Variants in COL23A1 observed in about 807,000 individuals in gnomAD.
The protein encoded by COL23A1 is collagen alpha-1(XXIII) chain.
Under a neutral mutation model 99.3 loss-of-function variants are expected in COL23A1, and 97 were observed. That is an observed-to-expected ratio of 0.98 (90% CI 0.83 to 1.16). The LOEUF (loss-of-function observed/expected upper bound fraction) is 1.16, where lower values mean the gene tolerates loss of function less well. COL23A1 is among the 50% of genes most tolerant of loss of function. The pLI, the probability that COL23A1 is intolerant of heterozygous loss-of-function variation, is 0.00. For missense variants in COL23A1, 762 were observed against 757.4 expected (o/e 1.01, Z -0.07); for synonymous variants, 320 against 308.2 (o/e 1.04, Z -0.40).
intron 2 of COL23A1, among the ~76,000 whole-genome samples, chr5:178,495,407 A>G (rs193268866): frequency 6.6e-6 from 1 of 152,354 alleles, no homozygotes; most frequent in Admixed American, 6.5e-5. Context: ...ACCTGAGGCC[A>G]ATCGTGAACT....
In COL23A1 at chr5:178,458,003, T is replaced by C. The variant is rs563967831; in HGVS notation, c.361+102679A>G. On this transcript the variant is annotated intron_variant, in intron 2 of 28. Transcript: ENST00000390654. ...CTGTGGTCTCTATATATTTCCTCTT[T>C]AAAAGAACAGATAAGGTCAGTCTGG... Among the ~76,000 whole-genome samples the C allele has an allele frequency of 2.0e-5, 3 of 152,266 alleles. No individual in the cohort carries two copies. The South Asian group carries it at 6.2e-4, about 32-fold the overall frequency.
chr5:178,264,437 A>C (rs1046324306), intron 8 of COL23A1, among the ~76,000 whole-genome samples: 4 of 151,896 alleles, frequency 2.6e-5, no homozygotes, highest in African/African-American at 9.7e-5. Context: ...GTCAGACCTC[A>C]GGCAGCCGGA....
Position 178,486,316 on chromosome 5 carries a change from T to C in COL23A1, c.361+74366A>G, listed in dbSNP as rs1242830378. Among the ~76,000 whole-genome samples, 3 of 152,126 alleles carry C rather than the reference T, an allele frequency of 2.0e-5. No individual in the cohort carries two copies. The East Asian group carries it at 5.8e-4, about 29-fold the overall frequency. On this transcript the variant is annotated intron_variant, in intron 2 of 28. Coordinates refer to ENST00000390654, the MANE Select transcript of COL23A1 (RefSeq NM_173465.4). ...CCCCTCACCGGGATGAGCAGAAAGGTCAGCATTTTCTTAGCCCAGGGAGGC... is the reference window on the plus strand; with the variant it reads ...CCCCTCACCGGGATGAGCAGAAAGGCCAGCATTTTCTTAGCCCAGGGAGGC...
chr5:178,301,082 A>G (rs1758008382), intron 3 of COL23A1, among the ~76,000 whole-genome samples: 1 of 151,838 alleles, frequency 6.6e-6, no homozygotes, highest in Admixed American at 6.6e-5. Context: ...GGGACACTCG[A>G]TAGTGTCTTT....
chr5:178,244,450 C>G (rs1055438284), intron 25 of COL23A1, among the ~76,000 whole-genome samples: 3 of 152,210 alleles, frequency 2.0e-5, no homozygotes, highest in Non-Finnish European at 2.9e-5. Context: ...AGTCAGGGCA[C>G]TGCATTCCTA....
intron 2 of COL23A1, among the ~76,000 whole-genome samples, chr5:178,464,063 A>G (rs892501273): frequency 2.6e-5 from 4 of 152,204 alleles, no homozygotes; most frequent in African/African-American, 7.2e-5. Context: ...TAACATACAC[A>G]TAACACAAAA....
rs376517412 is a variant in COL23A1, at chr5:178,334,302, T to C, written c.362-27383A>G. Among the ~76,000 whole-genome samples the C allele has an allele frequency of 2.9e-3, 440 of 152,292 alleles. 2 individuals are homozygous for C. Among genetic ancestry groups the C allele is most frequent in the African/African-American group, 9.9e-3 (412 of 41,562 alleles). Reference sequence around the variant, plus strand: ...GACGACCCACAACAATTCTCTGAGATCAGTCTCATGACGTGCCCAAAGCAC... The same window carrying C: ...GACGACCCACAACAATTCTCTGAGACCAGTCTCATGACGTGCCCAAAGCAC... On this transcript the variant is annotated intron_variant, in intron 2 of 28. Transcript: ENST00000390654.
At chr5:178,295,449 C>A (rs1302895589) in intron 3 of COL23A1, among the ~76,000 whole-genome samples, 1 of 152,128 alleles carries the variant, frequency 6.6e-6, no homozygotes, top group Non-Finnish European at 1.5e-5. Context: ...AAATTACAAT[C>A]ATATCAGATC....
intron 2 of COL23A1, among the ~76,000 whole-genome samples, chr5:178,552,792 C>A (rs1488315774): frequency 2.6e-5 from 4 of 151,816 alleles, no homozygotes; most frequent in Non-Finnish European, 5.9e-5. Context: ...TGGCTCACTG[C>A]AACCTCTACC....
intron 2 of COL23A1, among the ~76,000 whole-genome samples, chr5:178,472,680 G>A (rs966946769): frequency 6.6e-6 from 1 of 152,120 alleles, no homozygotes; most frequent in Non-Finnish European, 1.5e-5. Context: ...GAAATGTGAG[G>A]CTCTGGCTGC....
At chr5:178,522,060 A>C (rs577046246) in intron 2 of COL23A1, among the ~76,000 whole-genome samples, 29 of 152,350 alleles carry the variant, frequency 1.9e-4, no homozygotes, top group Middle Eastern at 3.4e-3. Context: ...AACCAGAAAA[A>C]GAATAAGGTC....
At chr5:178,336,289 T>C (rs1397356481) in intron 2 of COL23A1, among the ~76,000 whole-genome samples, 3 of 152,220 alleles carry the variant, frequency 2.0e-5, no homozygotes, top group East Asian at 1.9e-4. Context: ...TGTACACGAA[T>C]GTTCCTAGCA....
intron 2 of COL23A1, among the ~76,000 whole-genome samples, chr5:178,369,059 G>C (rs1035279860): frequency 2.6e-5 from 4 of 152,224 alleles, no homozygotes; most frequent in African/African-American, 9.6e-5. Context: ...CCAGAGGTGA[G>C]GACCTTAGGC....
chr5:178,556,740 G>T (rs1051929167), intron 2 of COL23A1, among the ~76,000 whole-genome samples: 1 of 151,646 alleles, frequency 6.6e-6, no homozygotes, highest in African/African-American at 2.4e-5. Context: ...ATCACTTGAG[G>T]TCAGGAGTTG....
intron 2 of COL23A1, among the ~76,000 whole-genome samples, chr5:178,328,175 G>A (rs934837794): frequency 1.1e-4 from 16 of 152,126 alleles, no homozygotes; most frequent in African/African-American, 2.9e-4. Context: ...CCTCTGCCAC[G>A]GCGAATGTCT....
chr5:178,247,778 C>A lies in COL23A1; in HGVS notation c.1266G>T (p.Pro422=), dbSNP rs78984764. ...AACCAAAGCAAACCGTCCTTACCAT[C>A]GGGCCTGGGGGGCCAGGGGGGCCAG... ...GPPGPPGPPG[P]MGLQGIQGPK... Residue 422 remains proline, a synonymous_variant, in exon 21 of 29, where the codon CCG becomes CCT. Transcript: ENST00000390654. The A allele has an allele frequency of 6.2e-7, 1 of 1,613,338 alleles. No homozygotes were observed. Among genetic ancestry groups the A allele is most frequent in the Non-Finnish European group, 8.5e-7 (1 of 1,179,428 alleles).
At chr5:178,588,219 G>C (rs1369005509) in intron 1 of COL23A1, among the ~76,000 whole-genome samples, 1 of 152,136 alleles carries the variant, frequency 6.6e-6, no homozygotes, top group East Asian at 1.9e-4. Context: ...CCGGGAGGGG[G>C]GAAGCCTGGG....
chr5:178,267,432 G>A, intron 7 of COL23A1, 99 bp from the exon 8 acceptor site: 3 of 1,227,596 alleles, frequency 2.4e-6, no homozygotes, highest in Admixed American at 5.1e-5. Context: ...GACATGGTAT[G>A]ACTTAATTCC....
intron 2 of COL23A1, among the ~76,000 whole-genome samples, chr5:178,541,335 C>G (rs1386488274): frequency 1.3e-5 from 2 of 152,222 alleles, no homozygotes; most frequent in African/African-American, 4.8e-5. Context: ...TGCCTGTAAT[C>G]CCAGCACTTT....
Sources: allele counts gnomAD v4.1 joint callset (sites outside exome capture counted in the v4.1 genomes callset), GRCh38; gene constraint gnomAD v4.1.1; transcripts MANE v1.5; gene names NCBI Gene and HGNC (gene_info 2026-07-23, HGNC 2026-07-21).